Variants in RPRD1A observed in about 807,000 individuals in gnomAD.
RPRD1A encodes regulation of nuclear pre-mRNA domain-containing protein 1A.
RPRD1A carries 9 observed loss-of-function variants against 37.8 expected under a neutral mutation model. That is an observed-to-expected ratio of 0.24 (90% confidence interval 0.14 to 0.42). The LOEUF is 0.42. Ranked by LOEUF, RPRD1A falls within the 10% of genes least tolerant of loss-of-function variation. RPRD1A has a pLI of 1.00. For missense variants in RPRD1A, 255 were observed against 371.0 expected, an observed-to-expected ratio of 0.69 and a Z score of 2.57; for synonymous variants, 138 against 139.7, an observed-to-expected ratio of 0.99 and a Z score of 0.08.
intron 6 of RPRD1A, among the ~76,000 whole-genome samples, chr18:36,018,623 G>T (rs1482182310): frequency 4.6e-5 from 7 of 152,106 alleles, no homozygotes; most frequent in Non-Finnish European, 1.5e-5. Context: ...ACACCTGAGT[G>T]CCTACCAGGA....
chr18:35,994,058 T>C (rs1353054874), intron 6 of RPRD1A, among the ~76,000 whole-genome samples: 2 of 152,014 alleles, frequency 1.3e-5, no homozygotes, highest in East Asian at 3.9e-4. Flanking sequence ...CCCCTCCCTT[T>C]CTCCAAAAGC....
intron 6 of RPRD1A, among the ~76,000 whole-genome samples, chr18:36,008,577 G>GTATATATATATATATATA (rs141531156): frequency 0.016 from 769 of 47,798 alleles, 77 homozygotes; most frequent in African/African-American, 0.05. Flanking sequence ...CCTTGTGTGT[G>GTATATATATATATATATA]TATATATATA....
chr18:36,062,820 T>C (rs1426300639), intron 1 of RPRD1A, among the ~76,000 whole-genome samples: 3 of 152,196 alleles, frequency 2.0e-5, no homozygotes, highest in Non-Finnish European at 4.4e-5. Context: ...CTAAATGGCA[T>C]GGAGTTTCTT....
chr18:35,993,089 C>T lies in RPRD1A; in HGVS notation c.*62G>A. The T allele has an allele frequency of 6.9e-7, 1 of 1,459,684 alleles. No individual in the cohort carries two copies. The highest frequency in any genetic ancestry group is 9.4e-7 in the Non-Finnish European group (1 of 1,067,902). The allele number at this position is 1,459,684 out of a possible 1,614,324, so 90.4% of individuals were successfully genotyped here. A position where few individuals can be genotyped will look rare whatever the true frequency, so the allele number is the denominator to read the frequency against. On this transcript the variant is annotated 3_prime_UTR_variant, in exon 7 of 7. Transcript: ENST00000399022. Reference sequence around the variant, plus strand: ...AATATACAAAAATAACACTACAGGACTATCCACCTAACCTGTCTCCATCTC... The same window carrying T: ...AATATACAAAAATAACACTACAGGATTATCCACCTAACCTGTCTCCATCTC...
intron 1 of RPRD1A, among the ~76,000 whole-genome samples, chr18:36,049,369 TA>T (rs940280107): frequency 6.6e-6 from 1 of 152,226 alleles, no homozygotes; most frequent in African/African-American, 2.4e-5. Flanking sequence ...GACTTCTGAA[TA>T]ACACAGGTGT....
intron 1 of RPRD1A, among the ~76,000 whole-genome samples, chr18:36,044,296 T>C (rs1178595153): frequency 2.6e-5 from 4 of 152,132 alleles, no homozygotes; most frequent in South Asian, 2.1e-4. Flanking sequence ...CAAACCCATA[T>C]TGTTCAAAGG....
chr18:36,045,360 T>TGAAG lies in RPRD1A; in HGVS notation c.152-11527_152-11524dup, dbSNP rs544471627. The stretch of plus-strand genomic sequence containing the variant: ...GTATTTCAGAATAACCAAAGGCTGA[T>TGAAG]GAAGGAAAGCTCTTGTAGAACAGGT... On this transcript the variant is annotated intron_variant, in intron 1 of 6. Transcript: ENST00000399022. Among the ~76,000 whole-genome samples the TGAAG allele has an allele frequency of 3.3e-5, 5 of 152,330 alleles. No individual in the cohort carries two copies. In the South Asian group the frequency reaches 1.0e-3, roughly 32 times the overall value.
intron 1 of RPRD1A, among the ~76,000 whole-genome samples, chr18:36,066,793 T>C (rs553683980): frequency 4.6e-5 from 7 of 152,356 alleles, no homozygotes; most frequent in African/African-American, 9.6e-5. Flanking sequence ...ACCCATCTTC[T>C]TATATTAGAC....
chr18:36,066,855 G>A (rs556175509), intron 1 of RPRD1A, among the ~76,000 whole-genome samples: 1 of 152,198 alleles, frequency 6.6e-6, no homozygotes, highest in East Asian at 1.9e-4. Flanking sequence ...CTGCGTTACA[G>A]AAATGACGGA....
rs753515329 is a variant in RPRD1A, at chr18:36,030,999, T to C, written c.380A>G (p.Gln127Arg). 7.5e-6 allele frequency: 12 copies of C among 1,596,674 alleles called. No homozygotes were observed. In the African/African-American group the frequency reaches 8.1e-5, roughly 11 times the overall value. ...YENDVLEQLK[Q>R]ALYGDKKPRK... ...CAGGATTCTACACTTACACAGAGCTTGTTTAAGTTGTTCTAATACATCATT... is the reference window on the plus strand; with the variant it reads ...CAGGATTCTACACTTACACAGAGCTCGTTTAAGTTGTTCTAATACATCATT... The change falls in exon 3 of 7, where the codon CAA (glutamine) becomes CGA (arginine). Residue 127 changes from glutamine (Q) to arginine (R), a missense_variant. Coordinates refer to ENST00000399022, the MANE Select transcript of RPRD1A (RefSeq NM_018170.5).
chr18:36,058,388 G>A (rs185926144), intron 1 of RPRD1A, among the ~76,000 whole-genome samples: 1,577 of 152,156 alleles, frequency 0.01, 12 homozygotes, highest in South Asian at 0.02. Context: ...CATTTTGAAT[G>A]AAAAATTTAT....
chr18:36,023,122 T>C (rs746158014), intron 6 of RPRD1A, among the ~76,000 whole-genome samples: 10 of 152,206 alleles, frequency 6.6e-5, no homozygotes, highest in South Asian at 2.1e-4. Context: ...ATTTAAGAAA[T>C]ACATTTCGTA....
chr18:36,019,492 A>G (rs1252140146), intron 6 of RPRD1A, among the ~76,000 whole-genome samples: 1 of 152,154 alleles, frequency 6.6e-6, no homozygotes, highest in Admixed American at 6.5e-5. Flanking sequence ...GAGATATGAG[A>G]GGGAGCAGAA....
intron 6 of RPRD1A, among the ~76,000 whole-genome samples, chr18:36,015,163 TACACATATATAC>T (rs1910445232): frequency 1.0e-5 from 1 of 98,606 alleles, no homozygotes; most frequent in South Asian, 3.7e-4. Flanking sequence ...CACACATATA[TACACATATATAC>T]ACACACACAC....
At chr18:36,036,804 A>G (rs116124585) in intron 1 of RPRD1A, among the ~76,000 whole-genome samples, 2,015 of 152,334 alleles carry the variant, frequency 0.013, 41 homozygotes, top group African/African-American at 0.046. Flanking sequence ...AAAGAGAAAC[A>G]GTTAACAGAA....
intron 1 of RPRD1A, among the ~76,000 whole-genome samples, chr18:36,057,049 T>TAA (rs1407950222): frequency 3.4e-4 from 8 of 23,268 alleles, no homozygotes; most frequent in African/African-American, 7.6e-4. Flanking sequence ...ACCCTGTTTC[T>TAA]ACAAAAAAAA....
intron 6 of RPRD1A, among the ~76,000 whole-genome samples, chr18:36,021,192 C>A (rs1057020488): frequency 6.6e-6 from 1 of 152,240 alleles, no homozygotes. Context: ...AGCCATACCT[C>A]GTTTTATCAT....
chr18:36,037,731 G>A (rs1238626741), intron 1 of RPRD1A, among the ~76,000 whole-genome samples: 23 of 152,188 alleles, frequency 1.5e-4, no homozygotes. Context: ...TGACCAAAAT[G>A]CTGATAGTGA....
intron 6 of RPRD1A, chr18:36,026,571 C>T (rs990018309): frequency 9.9e-6 from 2 of 202,340 alleles, no homozygotes; most frequent in African/African-American, 2.4e-5. Context: ...AATCCTACTA[C>T]AAGTGACTGC....
Sources: gnomAD v4.1 joint callset for allele counts (sites outside exome capture counted in the v4.1 genomes callset) on GRCh38, gnomAD v4.1.1 for gene constraint, MANE v1.5 for transcripts, NCBI Gene and HGNC (gene_info 2026-07-23, HGNC 2026-07-21) for gene names.